TBC1D22A: variants seen among roughly 807,000 people sequenced by gnomAD.
The protein encoded by TBC1D22A is TBC1 domain family member 22A.
In TBC1D22A, 38 loss-of-function variants were observed where a neutral mutation model predicts 60.2. That is an observed-to-expected ratio of 0.63 (90% CI 0.49 to 0.83). The LOEUF (loss-of-function observed/expected upper bound fraction) is 0.83. TBC1D22A is among the 40% of genes least tolerant of loss of function. The pLI is 0.00. For synonymous variants in TBC1D22A, 302 were observed against 281.7 expected (o/e 1.07, Z -0.72); for missense variants, 628 against 701.0 (o/e 0.90, Z 1.18).
chr22:46,927,439 G>C (rs575218246), intron 8 of TBC1D22A, among the ~76,000 whole-genome samples: 69 of 152,314 alleles, frequency 4.5e-4, no homozygotes, highest in African/African-American at 1.6e-3. Context: ...ACTAGGAATA[G>C]AAGAGAACTT....
intron 5 of TBC1D22A, among the ~76,000 whole-genome samples, chr22:46,886,156 C>T (rs2068104383): frequency 6.6e-6 from 1 of 152,160 alleles, no homozygotes; most frequent in South Asian, 2.1e-4. Context: ...GCCTCTGCCT[C>T]CCAAAGTGCT....
intron 10 of TBC1D22A, among the ~76,000 whole-genome samples, chr22:47,025,439 A>G (rs962102732): frequency 1.3e-5 from 2 of 152,266 alleles, no homozygotes; most frequent in African/African-American, 4.8e-5. Context: ...AGCAATCTTT[A>G]GCAAGATACC....
intron 4 of TBC1D22A, among the ~76,000 whole-genome samples, chr22:46,816,005 T>C (rs1175878326): frequency 3.3e-5 from 5 of 152,102 alleles, no homozygotes; most frequent in African/African-American, 1.2e-4. Context: ...GAGAAGCAGA[T>C]TGGATTTTAC....
At position 46,990,768 on chromosome 22, in the gene TBC1D22A, G is replaced by A. The variant is rs905177454; in HGVS notation, c.1126-6866G>A. 1.2e-4 allele frequency among the ~76,000 whole-genome samples: 19 copies of A among 152,150 alleles called. No homozygotes were observed. The highest frequency in any genetic ancestry group is 1.9e-4 in the Non-Finnish European group (13 of 68,028). ...CTTTTCATCCCACTGCTCCTGCTGC[G>A]GTGGCTTCTCTCCCCGTTGGCTTGC... On this transcript the variant is annotated intron_variant, in intron 9 of 12. Transcript: ENST00000337137. This position sits in a 1 kb window ranked among gnomAD's most constrained non-coding sequence, Gnocchi z 4.6.
At chr22:46,858,465 C>CCA (rs949574374) in intron 4 of TBC1D22A, among the ~76,000 whole-genome samples, 1 of 150,962 alleles carries the variant, frequency 6.6e-6, no homozygotes, top group Non-Finnish European at 1.5e-5. Context: ...GCAAACACCC[C>CCA]CCCCAGCTCT....
chr22:46,851,539 G>A (rs2087277743), intron 4 of TBC1D22A, among the ~76,000 whole-genome samples: 1 of 152,246 alleles, frequency 6.6e-6, no homozygotes, highest in African/African-American at 2.4e-5. Flanking sequence ...GACCCAGTTT[G>A]TTTGAAACGG....
intron 11 of TBC1D22A, among the ~76,000 whole-genome samples, chr22:47,045,898 C>T (rs1248921954): frequency 6.6e-6 from 1 of 152,156 alleles, no homozygotes; most frequent in Non-Finnish European, 1.5e-5. Flanking sequence ...CCACGTCCTC[C>T]CCACACCTGG....
rs536307163 is a variant in TBC1D22A at position 46,963,650 on chromosome 22, C to T, written c.1016-10640C>T. On this transcript the variant is annotated intron_variant, in intron 8 of 12. Transcript: ENST00000337137. ...AATCAATGGTGCACAGGGCAATTTGCAGGCATAAGGTGGGATCCTTCTCCG... is the reference window on the plus strand; with the variant it reads ...AATCAATGGTGCACAGGGCAATTTGTAGGCATAAGGTGGGATCCTTCTCCG... 2.0e-4 allele frequency among the ~76,000 whole-genome samples: 30 copies of T among 152,358 alleles called. No individual in the cohort carries two copies. The South Asian group carries it at 4.8e-3, about 24-fold the overall frequency.
At chr22:46,781,211 G>A (rs909191278) in intron 1 of TBC1D22A, among the ~76,000 whole-genome samples, 10 of 151,082 alleles carry the variant, frequency 6.6e-5, no homozygotes, top group Non-Finnish European at 1.0e-4. Flanking sequence ...GGTGTTGCTG[G>A]TGTCACTGCT....
chr22:46,802,631 C>T (rs112103360), intron 4 of TBC1D22A, among the ~76,000 whole-genome samples: 74 of 152,324 alleles, frequency 4.9e-4, no homozygotes, highest in African/African-American at 1.7e-3. Context: ...AGCATGAAGC[C>T]TCTGGGAGGT....
At chr22:47,025,244 A>G (rs1169229741) in intron 10 of TBC1D22A, among the ~76,000 whole-genome samples, 1 of 152,240 alleles carries the variant, frequency 6.6e-6, no homozygotes, top group Non-Finnish European at 1.5e-5. Flanking sequence ...AAACACTGTC[A>G]ACAAACTTGA....
intron 11 of TBC1D22A, among the ~76,000 whole-genome samples, chr22:47,098,889 C>T (rs1231091775): frequency 6.6e-6 from 1 of 152,210 alleles, no homozygotes; most frequent in Non-Finnish European, 1.5e-5. Flanking sequence ...AGGACAGGAG[C>T]CAGGGTCTCT....
intron 12 of TBC1D22A, among the ~76,000 whole-genome samples, chr22:47,130,497 G>A (rs1032770407): frequency 3.3e-5 from 5 of 152,226 alleles, no homozygotes; most frequent in African/African-American, 1.2e-4. Flanking sequence ...GATGGAGGGT[G>A]GAGGGTGGAG....
intron 4 of TBC1D22A, among the ~76,000 whole-genome samples, chr22:46,866,846 G>C (rs146962774): frequency 6.6e-6 from 1 of 152,208 alleles, no homozygotes; most frequent in African/African-American, 2.4e-5. Flanking sequence ...GCTGTGATCC[G>C]CAAGAGCTTG....
chr22:47,081,129 A>C (rs908525165), intron 11 of TBC1D22A, among the ~76,000 whole-genome samples: 3 of 151,754 alleles, frequency 2.0e-5, no homozygotes, highest in Admixed American at 2.0e-4. Flanking sequence ...TCAAAAAAAA[A>C]AAAAAAAAAA....
At chr22:46,918,312 G>C (rs1261691219) in intron 8 of TBC1D22A, among the ~76,000 whole-genome samples, 1 of 152,234 alleles carries the variant, frequency 6.6e-6, no homozygotes, top group African/African-American at 2.4e-5. Flanking sequence ...GCACGCCTCA[G>C]CTGAGCCTAT....
At chr22:46,995,062 A>G (rs1173898539) in intron 9 of TBC1D22A, among the ~76,000 whole-genome samples, 1 of 152,338 alleles carries the variant, frequency 6.6e-6, no homozygotes, top group East Asian at 1.9e-4. Context: ...TTCAGGGCCT[A>G]AAAGTCCTGC....
chr22:46,786,798 C>T (rs907629991), intron 1 of TBC1D22A, among the ~76,000 whole-genome samples: 2 of 152,170 alleles, frequency 1.3e-5, no homozygotes, highest in Non-Finnish European at 2.9e-5. Context: ...AAGTGATCCT[C>T]CCACGTCAGC....
At chr22:47,140,383 C>T in intron 12 of TBC1D22A, among the ~76,000 whole-genome samples, 1 of 151,640 alleles carries the variant, frequency 6.6e-6, no homozygotes, top group Non-Finnish European at 1.5e-5. Flanking sequence ...CACAGTGAAA[C>T]CCCGTCTCTA....
Sources: allele counts gnomAD v4.1 joint callset (sites outside exome capture counted in the v4.1 genomes callset), GRCh38; gene constraint gnomAD v4.1.1; non-coding constraint Gnocchi (gnomAD v3.1); transcripts MANE v1.5; gene names NCBI Gene and HGNC (gene_info 2026-07-23, HGNC 2026-07-21).